The following D2HGDH variants were observed in gnomAD, a reference collection of about 807,000 sequenced individuals.
D2HGDH encodes the protein D-2-hydroxyglutarate dehydrogenase.
In D2HGDH, 31 loss-of-function variants were observed where a neutral mutation model predicts 46.9. The ratio of observed to expected loss-of-function variants is 0.66; its 90% CI spans 0.50 to 0.89. The LOEUF (loss-of-function observed/expected upper bound fraction) is 0.89. D2HGDH is among the 40% of genes least tolerant of loss of function. D2HGDH has a pLI of 0.00. For missense variants in D2HGDH, 698 were observed against 720.8 expected (o/e 0.97, Z 0.36); for synonymous variants, 364 against 332.6 (o/e 1.09, Z -1.03).
intron 8 of D2HGDH, among the ~76,000 whole-genome samples, chr2:241,752,268 G>A (rs1184076609): frequency 2.0e-5 from 3 of 152,130 alleles, no homozygotes; most frequent in African/African-American, 4.8e-5. Context: ...GCTGGGGTGC[G>A]GTCGGCTGGG....
chr2:241,736,992 G>A (rs545084502), intron 2 of D2HGDH, among the ~76,000 whole-genome samples: 2 of 150,370 alleles, frequency 1.3e-5, no homozygotes, highest in African/African-American at 2.5e-5. Flanking sequence ...TTTTTGAGAC[G>A]GAGTCTCGCT....
rs1694703804 is a variant in D2HGDH at position 241,742,354 on chromosome 2, A to G, written c.351-81A>G. Reference sequence around the variant, plus strand: ...GGGTAATCAGGATTTGGAGTCAGGCACTGGTCCTGCGGCGTGTCCTTGGGG... The same window carrying G: ...GGGTAATCAGGATTTGGAGTCAGGCGCTGGTCCTGCGGCGTGTCCTTGGGG... On this transcript the variant is annotated intron_variant, in intron 3 of 9. Coordinates refer to ENST00000321264, the MANE Select transcript of D2HGDH (RefSeq NM_152783.5). The surrounding 1 kb of genome is among the most constrained non-coding windows in gnomAD (Gnocchi z 4.8). The G allele has an allele frequency of 6.6e-7, 1 of 1,508,238 alleles. No homozygotes were observed. Among genetic ancestry groups the G allele is most frequent in the Admixed American group, 2.0e-5 (1 of 49,354 alleles). 93.4% of individuals were successfully genotyped at this position (1,508,238 alleles called of 1,614,324 possible). A position where few individuals can be genotyped will look rare whatever the true frequency, so the allele number is the denominator to read the frequency against.
At chr2:241,748,209 C>A (rs1329343714) in intron 6 of D2HGDH, among the ~76,000 whole-genome samples, 2 of 152,192 alleles carry the variant, frequency 1.3e-5, no homozygotes, top group Non-Finnish European at 1.5e-5. Context: ...GAAACCTCCG[C>A]CTCCTGGTTC....
chr2:241,739,586 C>G (rs1415068987), intron 2 of D2HGDH, among the ~76,000 whole-genome samples: 1 of 152,242 alleles, frequency 6.6e-6, no homozygotes, highest in Middle Eastern at 3.2e-3. Flanking sequence ...TGCTGCCTCT[C>G]TGCAGCCCCC....
Position 241,743,828 on chromosome 2 carries a change from A to G in D2HGDH, c.684+13A>G. 1 of 1,589,046 alleles carries G rather than the reference A, an allele frequency of 6.3e-7. No homozygotes were observed. The highest frequency in any genetic ancestry group is 8.6e-7 in the Non-Finnish European group (1 of 1,168,424). On this transcript the variant is annotated intron_variant, in intron 5 of 9. Transcript: ENST00000321264. The surrounding 1 kb of genome is among the most constrained non-coding windows in gnomAD (Gnocchi z 4.8). The stretch of plus-strand genomic sequence containing the variant: ...GGGCCTGGAAGTGGTGAGCTGGGGC[A>G]GCTGCTTGGTGCAGAGGTCGCCACG...
rs777927647 is a variant in D2HGDH, at chr2:241,767,738, G to A, written c.1335G>A (p.Thr445=). Residue 445 remains threonine, a synonymous_variant, in exon 10 of 10, where the codon ACG becomes ACA. Transcript: ENST00000321264. ...LGDGNLHLNV[T]AEAFSPSLLA... is the part of the protein sequence containing the mutation. ...ATGGTAACCTGCACCTCAATGTGAC[G>A]GCGGAGGCCTTCAGCCCCTCGCTCC... The A allele has an allele frequency of 7.4e-6, 12 of 1,612,888 alleles. No homozygotes were observed. Among genetic ancestry groups the A allele is most frequent in the Middle Eastern group, 1.7e-4 (1 of 6,050 alleles).
intron 6 of D2HGDH, chr2:241,749,145 C>T: frequency 1.2e-6 from 1 of 854,786 alleles, no homozygotes; most frequent in Non-Finnish European, 1.5e-6. Flanking sequence ...CTGGGGATTC[C>T]TGCCCACTCT....
intron 9 of D2HGDH, among the ~76,000 whole-genome samples, chr2:241,758,539 T>C (rs1025524969): frequency 6.6e-4 from 101 of 152,070 alleles, no homozygotes; most frequent in African/African-American, 2.3e-3. Context: ...GTGCAGTGGC[T>C]CACCACAGCC....
chr2:241,742,998 A>T lies in D2HGDH; in HGVS notation c.490+424A>T, dbSNP rs6756190. 4.1e-5 allele frequency among the ~76,000 whole-genome samples: 2 copies of T among 48,600 alleles called. No individual in the cohort carries two copies. Among genetic ancestry groups the T allele is most frequent in the African/African-American group, 3.9e-4 (2 of 5,160 alleles). The allele number at this position is 48,600 out of a possible 152,430, so 31.9% of individuals were successfully genotyped here. On this transcript the variant is annotated intron_variant, in intron 4 of 9. Transcript: ENST00000321264. This position sits in a 1 kb window ranked among gnomAD's most constrained non-coding sequence, Gnocchi z 4.8. ...CCCAGGGCGCCAGAGCGTGGCAGGC[A>T]TGAGGGGATCCTGACCCAGGGCGCC... is the stretch of plus-strand genomic sequence containing the variant.
At position 241,744,330 on chromosome 2, in the gene D2HGDH, T is replaced by C. The variant is rs1695310305; in HGVS notation, c.685-379T>C. On this transcript the variant is annotated intron_variant, in intron 5 of 9. Coordinates refer to ENST00000321264, the MANE Select transcript of D2HGDH (RefSeq NM_152783.5). ...CTTTTTTTTCTGGCCAGCCACTGAT[T>C]ATCTTTATTGTAAATTACTTTTTTG... is the stretch of plus-strand genomic sequence containing the variant. Among the ~76,000 whole-genome samples, 3 of 152,220 alleles carry C rather than the reference T, an allele frequency of 2.0e-5. 1 individual carries two copies. The South Asian group carries it at 6.2e-4, about 32-fold the overall frequency.
At position 241,757,252 on chromosome 2, in the gene D2HGDH, G is replaced by T. The variant is rs145920067; in HGVS notation, c.1306+1238G>T. ...CCAAAGTTGCCCAGCCTGTGGAGGG[G>T]TACATCTGGAGGATTTGACATAGGA... On this transcript the variant is annotated intron_variant, in intron 9 of 9. Transcript: ENST00000321264. Among the ~76,000 whole-genome samples, 4 of 152,304 alleles carry T rather than the reference G, an allele frequency of 2.6e-5. No individual in the cohort carries two copies. The East Asian group carries it at 7.7e-4, about 29-fold the overall frequency.
Position 241,768,324 on chromosome 2 carries a change from G to A in D2HGDH, c.*355G>A, listed in dbSNP as rs1575353793. 3.7e-6 allele frequency: 1 copy of A among 271,854 alleles called. No individual in the cohort carries two copies. Among genetic ancestry groups the A allele is most frequent in the East Asian group, 7.3e-5 (1 of 13,772 alleles). The allele number at this position is 271,854 out of a possible 1,614,324, so 16.8% of individuals were successfully genotyped here. ...GCTGCGGCCTGGGGAGCAGGCGCTG[G>A]GTGGTGGTTCTGCCTGCTTGCTGCT... On this transcript the variant is annotated 3_prime_UTR_variant, in exon 10 of 10. Coordinates refer to ENST00000321264, the MANE Select transcript of D2HGDH (RefSeq NM_152783.5).
chr2:241,737,008 G>A (rs1391008490), intron 2 of D2HGDH, among the ~76,000 whole-genome samples: 1 of 151,922 alleles, frequency 6.6e-6, no homozygotes, highest in Non-Finnish European at 1.5e-5. Flanking sequence ...TCGCTCTGTT[G>A]CCCAGGCTGG....
intron 9 of D2HGDH, among the ~76,000 whole-genome samples, chr2:241,762,385 G>C (rs1015710946): frequency 6.6e-6 from 1 of 151,994 alleles, no homozygotes; most frequent in African/African-American, 2.4e-5. Flanking sequence ...TTTCCTTTTT[G>C]CTGCTTTCAG....
In D2HGDH at chr2:241,756,028, C is replaced by T. The variant is rs368074891; in HGVS notation, c.1306+14C>T. 44 of 1,589,300 alleles carry T rather than the reference C, an allele frequency of 2.8e-5. No homozygotes were observed. The highest frequency in any genetic ancestry group is 3.3e-5 in the Non-Finnish European group (38 of 1,163,790). Reference sequence around the variant, plus strand: ...ATGGCCACCTTGGTGAGCGGCGCCCCGGGGCCGCGGCCCTGTGTGTGCTGG... The same window carrying T: ...ATGGCCACCTTGGTGAGCGGCGCCCTGGGGCCGCGGCCCTGTGTGTGCTGG... On this transcript the variant is annotated intron_variant, in intron 9 of 9. Coordinates refer to ENST00000321264, the MANE Select transcript of D2HGDH (RefSeq NM_152783.5).
In D2HGDH at chr2:241,743,960, G is replaced by C. The variant is rs1488120635; in HGVS notation, c.684+145G>C. 1 of 860,856 alleles carries C rather than the reference G, an allele frequency of 1.2e-6. No individual in the cohort carries two copies. The highest frequency in any genetic ancestry group is 2.5e-5 in the Admixed American group (1 of 40,046). The allele number at this position is 860,856 out of a possible 1,614,324, so 53.3% of individuals were successfully genotyped here. A position where few individuals can be genotyped will look rare whatever the true frequency, so the allele number is the denominator to read the frequency against. ...GGCCCTGGGCCCCTCAAGGATGTGT[G>C]GGCTACATACACCCCCATCCTGAGG... On this transcript the variant is annotated intron_variant, in intron 5 of 9. Transcript: ENST00000321264. The surrounding 1 kb of genome is among the most constrained non-coding windows in gnomAD (Gnocchi z 4.8).
chr2:241,747,549 T>G (rs1400527949), intron 6 of D2HGDH, among the ~76,000 whole-genome samples: 1 of 151,084 alleles, frequency 6.6e-6, no homozygotes, highest in Non-Finnish European at 1.5e-5. Context: ...GGAGAGTGTT[T>G]TTTTTTTTTT....
chr2:241,757,410 G>A (rs570717513), intron 9 of D2HGDH, among the ~76,000 whole-genome samples: 1 of 129,470 alleles, frequency 7.7e-6, no homozygotes, highest in African/African-American at 2.7e-5. Context: ...AAGGGGGTAA[G>A]GGCATGATGA....
At chr2:241,749,972 A>T in intron 6 of D2HGDH, 179 bp from the exon 7 acceptor site, 1 of 790,770 alleles carries the variant, frequency 1.3e-6, no homozygotes, top group Non-Finnish European at 2.1e-6. Context: ...TGGTAACACC[A>T]GGCGTGCACC....
Sources: allele counts gnomAD v4.1 joint callset (sites outside exome capture counted in the v4.1 genomes callset), GRCh38; gene constraint gnomAD v4.1.1; non-coding constraint Gnocchi (gnomAD v3.1); transcripts MANE v1.5; gene names NCBI Gene and HGNC (gene_info 2026-07-23, HGNC 2026-07-21).